CCDC141: variants seen among roughly 807,000 people sequenced by gnomAD.
CCDC141 encodes coiled-coil domain-containing protein 141.
In CCDC141, 168 loss-of-function variants were observed where a neutral mutation model predicts 181.0. That is an observed-to-expected ratio of 0.93 (90% CI 0.82 to 1.05). CCDC141 has a LOEUF of 1.05. Among genes scored for constraint, CCDC141 ranks in the 50% least tolerant of loss-of-function variants. The pLI is 0.00. For synonymous variants in CCDC141, 666 were observed against 642.3 expected (o/e 1.04, Z -0.56); for missense variants, 1,902 against 1,788.5 (o/e 1.06, Z -1.14).
At chr2:178,929,007 A>G (rs180905512) in intron 6 of CCDC141, among the ~76,000 whole-genome samples, 1 of 152,358 alleles carries the variant, frequency 6.6e-6, no homozygotes, top group East Asian at 1.9e-4. Flanking sequence ...TGGAAAGTTC[A>G]TTAAAGAATC....
At chr2:178,983,715 G>C (rs920842548) in intron 2 of CCDC141, among the ~76,000 whole-genome samples, 8 of 151,742 alleles carry the variant, frequency 5.3e-5, no homozygotes, top group Non-Finnish European at 1.2e-4. Context: ...AAGGGTATCA[G>C]CAATGGAAGA....
chr2:178,839,610 T>TAAAAA (rs1684642326), intron 22 of CCDC141, among the ~76,000 whole-genome samples: 8 of 70,526 alleles, frequency 1.1e-4, no homozygotes, highest in East Asian at 2.0e-3. Context: ...AAAAAAAATG[T>TAAAAA]GTTTTCAGGT....
chr2:179,029,006 C>T (rs962103639), intron 2 of CCDC141, among the ~76,000 whole-genome samples: 1 of 152,132 alleles, frequency 6.6e-6, no homozygotes, highest in Admixed American at 6.5e-5. Context: ...CAGCCCCAGC[C>T]CCTATTCTCC....
intron 2 of CCDC141, among the ~76,000 whole-genome samples, chr2:179,006,468 C>T (rs1409985383): frequency 6.6e-6 from 1 of 152,130 alleles, no homozygotes; most frequent in East Asian, 1.9e-4. Context: ...TATCTGCACC[C>T]ATCTGAGAGA....
chr2:178,894,839 T>A (rs1455265377), intron 8 of CCDC141, among the ~76,000 whole-genome samples: 1 of 152,058 alleles, frequency 6.6e-6, no homozygotes, highest in Non-Finnish European at 1.5e-5. Context: ...AGAAAAGTAA[T>A]ATTTAAAAAG....
chr2:178,983,937 A>C (rs1183456823), intron 2 of CCDC141, among the ~76,000 whole-genome samples: 2 of 150,400 alleles, frequency 1.3e-5, no homozygotes, highest in Admixed American at 1.3e-4. Flanking sequence ...AAGGCAGGCC[A>C]ACGTTCAGAT....
At chr2:178,949,591 C>A (rs1689867050) in intron 5 of CCDC141, among the ~76,000 whole-genome samples, 2 of 152,138 alleles carry the variant, frequency 1.3e-5, no homozygotes, top group South Asian at 4.2e-4. Flanking sequence ...AAATAAAAAC[C>A]AAAATGCAAA....
At chr2:178,900,738 C>T (rs1490222567) in intron 8 of CCDC141, among the ~76,000 whole-genome samples, 1 of 152,152 alleles carries the variant, frequency 6.6e-6, no homozygotes, top group Admixed American at 6.5e-5. Flanking sequence ...AAAGCTGTTA[C>T]TACTTTTCTA....
chr2:178,884,791 G>C (rs147711106), intron 11 of CCDC141, 110 bp downstream of exon 11: 12,982 of 738,444 alleles, frequency 0.018, 174 homozygotes, highest in South Asian at 0.018. Context: ...CCCACGCACA[G>C]GGGTAGAGGA....
rs564239640 is a variant in CCDC141, at chr2:178,888,604, C to T, written c.1330G>A (p.Glu444Lys). 403 of 1,550,568 alleles carry T rather than the reference C, an allele frequency of 2.6e-4. No homozygotes were observed. Among genetic ancestry groups the T allele is most frequent in the Non-Finnish European group, 3.2e-4 (364 of 1,146,908 alleles). ...CIKRRVDHLTEQCSAHKEYAL... is the reference protein window; with the variant it reads ...CIKRRVDHLTKQCSAHKEYAL... ...TATTCCTTGTGCGCTGAACACTGTT[C>T]GGTCAGATGATCCACTCGTCTCTTA... The change falls in exon 9 of 24, where the codon GAA becomes AAA. Residue 444 changes from glutamate (E) to lysine (K), a missense_variant. Coordinates refer to ENST00000443758, the MANE Select transcript of CCDC141 (RefSeq NM_173648.4).
chr2:179,025,308 A>G (rs922584146), intron 2 of CCDC141, among the ~76,000 whole-genome samples: 1 of 151,670 alleles, frequency 6.6e-6, no homozygotes, highest in African/African-American at 2.4e-5. Context: ...TTGAATTGTA[A>G]CTCCCACAAT....
intron 7 of CCDC141, among the ~76,000 whole-genome samples, chr2:178,915,253 GA>G (rs1455093753): frequency 6.6e-6 from 1 of 152,110 alleles, no homozygotes; most frequent in African/African-American, 2.4e-5. Flanking sequence ...CCAGGAATAT[GA>G]TAAAACCTGG....
chr2:178,826,162 G>A (rs1269721888), downstream of CCDC141, among the ~76,000 whole-genome samples: 1 of 152,070 alleles, frequency 6.6e-6, no homozygotes, highest in African/African-American at 2.4e-5. Flanking sequence ...TTTGTCAAAT[G>A]TTATTTCTGC....
intron 6 of CCDC141, among the ~76,000 whole-genome samples, chr2:178,920,126 G>A (rs983153318): frequency 6.6e-6 from 1 of 152,180 alleles, no homozygotes; most frequent in Admixed American, 6.5e-5. Context: ...TGACTGTCTT[G>A]TTAGTGAATC....
chr2:178,879,803 T>C (rs1209722642), intron 11 of CCDC141, among the ~76,000 whole-genome samples: 1 of 152,158 alleles, frequency 6.6e-6, no homozygotes, highest in African/African-American at 2.4e-5. Flanking sequence ...TCAAAGGGGA[T>C]CCCAGATGGG....
In CCDC141 at chr2:178,975,130, G is replaced by C. The variant is rs376695532; in HGVS notation, c.453C>G (p.Leu151=). Residue 151 remains leucine, a synonymous_variant, in exon 4 of 24, where the codon CTC becomes CTG. Transcript: ENST00000443758. ...AIKIDQAEDF[L]QNTHEFESAE... is the part of the protein sequence containing the mutation. ...CACTCTCAAACTCATGAGTATTCTG[G>C]AGGAAATCTTCAGCTTGGTCTATTT... 3 of 1,515,514 alleles carry C rather than the reference G, an allele frequency of 2.0e-6. No individual in the cohort carries two copies. In the South Asian group the frequency reaches 3.7e-5, roughly 19 times the overall value. 93.9% of individuals were successfully genotyped at this position (1,515,514 alleles called of 1,614,324 possible). A position where few individuals can be genotyped will look rare whatever the true frequency, so the allele number is the denominator to read the frequency against.
chr2:178,847,190 G>A (rs913061651), intron 21 of CCDC141, among the ~76,000 whole-genome samples: 3 of 151,880 alleles, frequency 2.0e-5, no homozygotes, highest in African/African-American at 7.3e-5. Flanking sequence ...CAATCCATTG[G>A]GCATTTACTA....
chr2:178,969,501 T>C (rs1249133367), intron 4 of CCDC141, among the ~76,000 whole-genome samples: 1 of 152,162 alleles, frequency 6.6e-6, no homozygotes, highest in African/African-American at 2.4e-5. Flanking sequence ...ATCCATCACA[T>C]AAACAGAACC....
chr2:178,861,379 T>C (rs1051039456), intron 17 of CCDC141, among the ~76,000 whole-genome samples: 18 of 152,052 alleles, frequency 1.2e-4, no homozygotes, highest in Non-Finnish European at 2.2e-4. Flanking sequence ...CTCACGCCTG[T>C]AATCCCAGCA....
Sources: gnomAD v4.1 joint callset for allele counts (sites outside exome capture counted in the v4.1 genomes callset) on GRCh38, gnomAD v4.1.1 for gene constraint, MANE v1.5 for transcripts, NCBI Gene and HGNC (gene_info 2026-07-23, HGNC 2026-07-21) for gene names.